The following ARHGAP6 variants were observed in gnomAD, a reference collection of about 807,000 sequenced individuals.
The protein encoded by ARHGAP6 is rho GTPase-activating protein 6.
Under a neutral mutation model 55.7 loss-of-function variants are expected in ARHGAP6, and 16 were observed. The ratio of observed to expected loss-of-function variants is 0.29; its 90% confidence interval spans 0.19 to 0.44. The LOEUF is 0.44. Ranked by LOEUF, ARHGAP6 falls within the 20% of genes least tolerant of loss-of-function variation. The pLI is 1.00. For synonymous variants in ARHGAP6, 382 were observed against 360.9 expected, an observed-to-expected ratio of 1.06 and a Z score of -0.66; for missense variants, 698 against 808.9, an observed-to-expected ratio of 0.86 and a Z score of 1.66.
intron 10 of ARHGAP6, among the ~76,000 whole-genome samples, chrX:11,147,231 A>G (rs2045708397): frequency 8.9e-6 from 1 of 112,343 alleles, no homozygotes; most frequent in Admixed American, 9.4e-5. Context: ...GCATCAACAT[A>G]TGCACACATA....
At chrX:11,572,369 T>C (rs1428479596) in intron 1 of ARHGAP6, among the ~76,000 whole-genome samples, 4 of 108,378 alleles carry the variant, frequency 3.7e-5, no homozygotes, top group African/African-American at 1.0e-4. Flanking sequence ...CATCAGAGTG[T>C]GATGTTCCCC....
intron 1 of ARHGAP6, among the ~76,000 whole-genome samples, chrX:11,319,128 TTCTATATCTATA>T (rs201917913): frequency 1.8e-5 from 2 of 111,976 alleles, no homozygotes; most frequent in African/African-American, 3.3e-5. Flanking sequence ...AACTCCACAT[TTCTATATCTATA>T]TCTATATCTA....
At chrX:11,502,634 C>G (rs1467816358) in intron 1 of ARHGAP6, among the ~76,000 whole-genome samples, 8 of 111,958 alleles carry the variant, frequency 7.1e-5, no homozygotes, top group African/African-American at 2.6e-4. Context: ...GCCCACTCAA[C>G]AAGAAGACAT....
intron 1 of ARHGAP6, among the ~76,000 whole-genome samples, chrX:11,599,472 C>A (rs1217679483): frequency 8.9e-6 from 1 of 111,767 alleles, no homozygotes; most frequent in Non-Finnish European, 1.9e-5. Context: ...ACTCAAAAAT[C>A]TATTTTCAAA....
chrX:11,291,287 A>G (rs1042773433), intron 1 of ARHGAP6, among the ~76,000 whole-genome samples: 3 of 111,722 alleles, frequency 2.7e-5, no homozygotes, highest in African/African-American at 9.8e-5. Context: ...AATTATTTCT[A>G]TGGAATCGGC....
At chrX:11,251,319 C>A (rs1046594240) in intron 2 of ARHGAP6, among the ~76,000 whole-genome samples, 2 of 112,007 alleles carry the variant, frequency 1.8e-5, no homozygotes, top group African/African-American at 6.5e-5. Context: ...ATAACTAATG[C>A]CCATCTATCA....
chrX:11,156,471 G>A, intron 10 of ARHGAP6, 58 bp downstream of exon 10: 3 of 1,065,544 alleles, frequency 2.8e-6, no homozygotes, highest in Non-Finnish European at 3.9e-6. Flanking sequence ...CAATTTCTCA[G>A]AAATGGAAAT....
chrX:11,514,226 T>C (rs761014402), intron 1 of ARHGAP6, among the ~76,000 whole-genome samples: 1 of 102,955 alleles, frequency 9.7e-6, no homozygotes, highest in South Asian at 4.5e-4. Context: ...AATTCCTGAG[T>C]GACTTCTTGA....
At chrX:11,341,162 A>G (rs2048701587) in intron 1 of ARHGAP6, among the ~76,000 whole-genome samples, 2 of 111,473 alleles carry the variant, frequency 1.8e-5, no homozygotes, top group Non-Finnish European at 3.8e-5. Flanking sequence ...ATAGAACCAT[A>G]CCCTCCAGAA....
At chrX:11,506,752 C>T (rs1322546750) in intron 1 of ARHGAP6, among the ~76,000 whole-genome samples, 7 of 111,298 alleles carry the variant, frequency 6.3e-5, no homozygotes, top group Non-Finnish European at 1.1e-4. Flanking sequence ...TGGGTATATA[C>T]CCAGTAATGG....
intron 1 of ARHGAP6, among the ~76,000 whole-genome samples, chrX:11,431,969 T>C (rs1234676583): frequency 9.0e-6 from 1 of 111,665 alleles, no homozygotes; most frequent in African/African-American, 3.3e-5. Context: ...AGGCTGGACA[T>C]TGCAGAATGT....
chrX:11,216,619 C>T (rs1359878041), intron 2 of ARHGAP6, among the ~76,000 whole-genome samples: 1 of 112,435 alleles, frequency 8.9e-6, no homozygotes, highest in Non-Finnish European at 1.9e-5. Context: ...AATCACTGTT[C>T]TATGCAGAAC....
At chrX:11,285,606 T>A (rs2047912765) in intron 1 of ARHGAP6, among the ~76,000 whole-genome samples, 1 of 112,011 alleles carries the variant, frequency 8.9e-6, no homozygotes, top group Admixed American at 9.4e-5. Flanking sequence ...TAAGGCAGTT[T>A]GAGAGAACAC....
intron 1 of ARHGAP6, among the ~76,000 whole-genome samples, chrX:11,422,138 G>T (rs1412310750): frequency 9.0e-6 from 1 of 111,575 alleles, no homozygotes; most frequent in African/African-American, 3.3e-5. Context: ...ACCAAGTGGT[G>T]ATGTGAACAA....
intron 2 of ARHGAP6, 150 bp from the exon 3 acceptor site, chrX:11,197,146 G>C (rs2046552634): frequency 2.4e-6 from 1 of 412,747 alleles, no homozygotes; most frequent in African/African-American, 2.5e-5. Context: ...GAGAATACAT[G>C]AAAATCCTGA....
chrX:11,187,398 G>A (rs2046399423), intron 4 of ARHGAP6, among the ~76,000 whole-genome samples: 1 of 111,242 alleles, frequency 9.0e-6, no homozygotes, highest in Admixed American at 9.6e-5. Context: ...AGACGAGAGG[G>A]CATTTGGGAA....
intron 1 of ARHGAP6, among the ~76,000 whole-genome samples, chrX:11,595,888 G>A (rs748331786): frequency 9.8e-5 from 11 of 112,148 alleles, no homozygotes; most frequent in Non-Finnish European, 1.7e-4. Context: ...TCTCACACCA[G>A]TTAGAATGGC....
At chrX:11,660,513 T>TGA (rs1458152440) in intron 1 of ARHGAP6, among the ~76,000 whole-genome samples, 1 of 71,501 alleles carries the variant, frequency 1.4e-5, no homozygotes, top group Non-Finnish European at 2.4e-5. Context: ...GGCAACAGGG[T>TGA]GAGACTCTCT....
intron 1 of ARHGAP6, among the ~76,000 whole-genome samples, chrX:11,421,665 C>T (rs1460107359): frequency 9.0e-6 from 1 of 111,710 alleles, no homozygotes; most frequent in Admixed American, 9.5e-5. Flanking sequence ...TATTGTATTG[C>T]ACTTTCTGAA....
Sources: gnomAD v4.1 joint callset for allele counts (sites outside exome capture counted in the v4.1 genomes callset) on GRCh38, gnomAD v4.1.1 for gene constraint, MANE v1.5 for transcripts, NCBI Gene and HGNC (gene_info 2026-07-23, HGNC 2026-07-21) for gene names.